The following RFX2 variants were observed in gnomAD, a reference collection of about 807,000 sequenced individuals.
RFX2 encodes DNA-binding protein RFX2.
Under a neutral mutation model 87.8 loss-of-function variants are expected in RFX2, and 20 were observed. The observed-to-expected ratio is 0.23, with a 90% CI of 0.16 to 0.33. RFX2 has a LOEUF of 0.33. Among genes scored for constraint, RFX2 ranks in the 10% least tolerant of loss-of-function variants. The pLI is 1.00. For synonymous variants in RFX2, 397 were observed against 431.3 expected (o/e 0.92, Z 0.98); for missense variants, 767 against 1,012.3 (o/e 0.76, Z 3.29).
At chr19:6,078,593 T>C (rs1404974018) in intron 1 of RFX2, among the ~76,000 whole-genome samples, 2 of 152,106 alleles carry the variant, frequency 1.3e-5, no homozygotes, top group Non-Finnish European at 2.9e-5. Flanking sequence ...AAACCCCAGC[T>C]ATACATACTA....
intron 1 of RFX2, among the ~76,000 whole-genome samples, chr19:6,088,337 G>A (rs1196945819): frequency 6.7e-6 from 1 of 149,630 alleles, no homozygotes; most frequent in Admixed American, 6.8e-5. Flanking sequence ...TCAGCCTCCT[G>A]AGTGGCTAGT....
rs539356777 is a variant in RFX2, at chr19:5,999,295, C to T, written c.1860-2082G>A. On this transcript the variant is annotated intron_variant, in intron 15 of 17. Coordinates refer to ENST00000303657, the MANE Select transcript of RFX2 (RefSeq NM_000635.4). This position sits in a 1 kb window ranked among gnomAD's most constrained non-coding sequence, Gnocchi z 4.1. The stretch of plus-strand genomic sequence containing the variant: ...AAGAGAATGAAGTGGAACAGTGTCT[C>T]GGTCTCCCTTGTGAAGAGCACCCCC... 3.9e-5 allele frequency among the ~76,000 whole-genome samples: 6 copies of T among 152,242 alleles called. No homozygotes were observed. Among genetic ancestry groups the T allele is most frequent in the South Asian group, 4.1e-4 (2 of 4,826 alleles).
chr19:5,995,019 G>C, intron 17 of RFX2, 69 bp from the exon 18 acceptor site: 3 of 1,281,022 alleles, frequency 2.3e-6, no homozygotes, highest in South Asian at 1.2e-5. Context: ...GGAAGTGCAC[G>C]TTCCGAGAAC....
intron 3 of RFX2, among the ~76,000 whole-genome samples, chr19:6,042,421 G>A (rs1030833444): frequency 2.0e-5 from 3 of 152,186 alleles, no homozygotes; most frequent in Admixed American, 6.5e-5. Context: ...GAATGACAAC[G>A]CTCCTCCAGT....
chr19:6,090,530 A>G (rs2087918994), intron 1 of RFX2, among the ~76,000 whole-genome samples: 2 of 152,134 alleles, frequency 1.3e-5, no homozygotes, highest in Admixed American at 1.3e-4. Context: ...TATACTAAAA[A>G]CAGGGAAAAA....
chr19:6,026,277 G>GAAA lies in RFX2; in HGVS notation c.523-43_523-41dup. On this transcript the variant is annotated intron_variant, in intron 5 of 17. Transcript: ENST00000303657. This position sits in a 1 kb window ranked among gnomAD's most constrained non-coding sequence, Gnocchi z 4.5. ...TGCAGAAACAAAACAAAACAAAATG[G>GAAA]AAAAAAAAAAAAAGGAAATCAGATG... 8 of 1,194,422 alleles carry GAAA rather than the reference G, an allele frequency of 6.7e-6. No individual in the cohort carries two copies. The highest frequency in any genetic ancestry group is 9.3e-6 in the Non-Finnish European group (8 of 858,054). 74.0% of individuals were successfully genotyped at this position (1,194,422 alleles called of 1,614,324 possible).
chr19:6,042,458 A>T (rs2087124657), intron 3 of RFX2, among the ~76,000 whole-genome samples: 1 of 150,954 alleles, frequency 6.6e-6, no homozygotes, highest in Non-Finnish European at 1.5e-5. Flanking sequence ...TTGTGGACAG[A>T]GGCCCAGCCT....
Position 6,007,856 on chromosome 19 carries a change from C to A in RFX2, c.1135-54G>T. 1 of 1,233,582 alleles carries A rather than the reference C, an allele frequency of 8.1e-7. No individual in the cohort carries two copies. The highest frequency in any genetic ancestry group is 1.2e-6 in the Non-Finnish European group (1 of 857,310). 76.4% of individuals were successfully genotyped at this position (1,233,582 alleles called of 1,614,324 possible). A position where few individuals can be genotyped will look rare whatever the true frequency, so the allele number is the denominator to read the frequency against. ...CGGGTGCGTGCGCCCATCACGTGCA[C>A]TCAGCACACGTCAAGTGAGCAGCCG... is the stretch of plus-strand genomic sequence containing the variant. On this transcript the variant is annotated intron_variant, in intron 10 of 17. Transcript: ENST00000303657. This position sits in a 1 kb window ranked among gnomAD's most constrained non-coding sequence, Gnocchi z 8.2.
intron 1 of RFX2, among the ~76,000 whole-genome samples, chr19:6,087,582 G>A (rs1266227086): frequency 6.6e-6 from 1 of 152,116 alleles, no homozygotes; most frequent in East Asian, 1.9e-4. Context: ...GCATTAAGGC[G>A]AGTCCCCACT....
rs1476932722 is a variant in RFX2 at position 5,999,085 on chromosome 19, G to A, written c.1860-1872C>T. Among the ~76,000 whole-genome samples, 10 of 152,000 alleles carry A rather than the reference G, an allele frequency of 6.6e-5. No homozygotes were observed. The highest frequency in any genetic ancestry group is 1.5e-5 in the Non-Finnish European group (1 of 68,008). On this transcript the variant is annotated intron_variant, in intron 15 of 17. Coordinates refer to ENST00000303657, the MANE Select transcript of RFX2 (RefSeq NM_000635.4). The surrounding 1 kb of genome is among the most constrained non-coding windows in gnomAD (Gnocchi z 4.1). Reference sequence around the variant, plus strand: ...AGCCCGGCCAACATGGCAAAACCCCGTCTCTACTAAAAATACAAAAATCAG... The same window carrying A: ...AGCCCGGCCAACATGGCAAAACCCCATCTCTACTAAAAATACAAAAATCAG...
rs2086663504 is a variant in RFX2 at position 6,011,836 on chromosome 19, C to T, written c.899+1150G>A. 6.6e-6 allele frequency among the ~76,000 whole-genome samples: 1 copy of T among 152,206 alleles called. No individual in the cohort carries two copies. The highest frequency in any genetic ancestry group is 1.5e-5 in the Non-Finnish European group (1 of 68,042). On this transcript the variant is annotated intron_variant, in intron 8 of 17. Transcript: ENST00000303657. This position sits in a 1 kb window ranked among gnomAD's most constrained non-coding sequence, Gnocchi z 4.8. ...TCCAGCACCAGGTGTAAAGGTGCCA[C>T]GTGGGGCTATTGCAATGTGGCCCCT...
intron 9 of RFX2, 164 bp from the exon 10 acceptor site, chr19:6,008,388 T>TC: frequency 2.2e-6 from 1 of 464,644 alleles, no homozygotes; most frequent in Non-Finnish European, 3.9e-6. Flanking sequence ...TTTTTTTTTT[T>TC]TGGAGACAGG....
rs571089498 is a variant in RFX2, at chr19:6,080,735, A to C, written c.-9+29658T>G. 2.6e-5 allele frequency among the ~76,000 whole-genome samples: 4 copies of C among 152,276 alleles called. No homozygotes were observed. The South Asian group carries it at 8.3e-4, about 32-fold the overall frequency. ...GCCCTGGACAAGGTCAGATGTCTGG[A>C]GTTTTAAAATTCCAATTGCTGTCGG... is the stretch of plus-strand genomic sequence containing the variant. On this transcript the variant is annotated intron_variant, in intron 1 of 17. Transcript: ENST00000303657.
chr19:6,006,570 C>T (rs2144684830), intron 12 of RFX2, among the ~76,000 whole-genome samples: 1 of 151,210 alleles, frequency 6.6e-6, no homozygotes, highest in Middle Eastern at 3.4e-3. Flanking sequence ...CTGGCTCGGC[C>T]TCCCTAGTAG....
At position 6,039,227 on chromosome 19, in the gene RFX2, C is replaced by T. The variant is rs571341534; in HGVS notation, c.522+753G>A. Among the ~76,000 whole-genome samples the T allele has an allele frequency of 2.6e-5, 4 of 152,292 alleles. No individual in the cohort carries two copies. Among genetic ancestry groups the T allele is most frequent in the Admixed American group, 6.5e-5 (1 of 15,298 alleles). ...CTGTCTGAAAAGGTCACAATCTGTA[C>T]GATTCCATTTATACACCACGCTAGT... On this transcript the variant is annotated intron_variant, in intron 5 of 17. Coordinates refer to ENST00000303657, the MANE Select transcript of RFX2 (RefSeq NM_000635.4). The surrounding 1 kb of genome is among the most constrained non-coding windows in gnomAD (Gnocchi z 5.2).
intron 1 of RFX2, among the ~76,000 whole-genome samples, chr19:6,091,988 G>T (rs2087942785): frequency 6.6e-6 from 1 of 152,174 alleles, no homozygotes; most frequent in Non-Finnish European, 1.5e-5. Flanking sequence ...AAAGGAGCAG[G>T]GAGTTTCTAG....
chr19:6,078,440 A>C (rs1357700318), intron 1 of RFX2: 7 of 152,220 alleles, frequency 4.6e-5, no homozygotes, highest in African/African-American at 1.4e-4. Context: ...GAAAATCATT[A>C]AGTACCTTAT....
rs1449969046 is a variant in RFX2 at position 6,074,815 on chromosome 19, G to C, written c.-8-27311C>G. Among the ~76,000 whole-genome samples, 2 of 152,232 alleles carry C rather than the reference G, an allele frequency of 1.3e-5. No individual in the cohort carries two copies. The highest frequency in any genetic ancestry group is 2.9e-5 in the Non-Finnish European group (2 of 68,040). On this transcript the variant is annotated intron_variant, in intron 1 of 17. Coordinates refer to ENST00000303657, the MANE Select transcript of RFX2 (RefSeq NM_000635.4). The surrounding 1 kb of genome is among the most constrained non-coding windows in gnomAD (Gnocchi z 5.2). ...CAGGGATGGTGCTCGGCAAGGCTGA[G>C]GCACACGGGACATGTGGGGTCACAC...
intron 1 of RFX2, among the ~76,000 whole-genome samples, chr19:6,107,070 C>A (rs373242203): frequency 1.4e-5 from 2 of 146,696 alleles, no homozygotes; most frequent in African/African-American, 5.0e-5. Context: ...CCAAGGTGGG[C>A]GGATCACATG....
Sources: allele counts gnomAD v4.1 joint callset (sites outside exome capture counted in the v4.1 genomes callset), GRCh38; gene constraint gnomAD v4.1.1; non-coding constraint Gnocchi (gnomAD v3.1); transcripts MANE v1.5; gene names NCBI Gene and HGNC (gene_info 2026-07-23, HGNC 2026-07-21).